The following JMJD1C variants were observed in gnomAD, a reference collection of about 807,000 sequenced individuals.
JMJD1C encodes jumonji domain containing 1C.
JMJD1C carries 31 observed loss-of-function variants against 245.3 expected under a neutral mutation model. That is an observed-to-expected ratio of 0.13 (90% CI 0.09 to 0.17). JMJD1C has a LOEUF of 0.17. Ranked by LOEUF, JMJD1C falls within the 10% of genes least tolerant of loss-of-function variation. The probability of loss-of-function intolerance (pLI) is 1.00; values close to 1 mark genes in which losing one functional copy is unlikely to be tolerated. For synonymous variants in JMJD1C, 1,057 were observed against 1,017.4 expected (o/e 1.04, Z -0.74); for missense variants, 2,691 against 3,000.2 (o/e 0.90, Z 2.41).
intron 2 of JMJD1C, among the ~76,000 whole-genome samples, chr10:63,297,672 C>A (rs1419939474): frequency 2.6e-5 from 4 of 152,178 alleles, no homozygotes; most frequent in Non-Finnish European, 5.9e-5. Flanking sequence ...TTCCGTAACA[C>A]TACAGCCCTC....
chr10:63,510,205 A>G (rs1645138396), intron 1 of JMJD1C, among the ~76,000 whole-genome samples: 1 of 151,822 alleles, frequency 6.6e-6, no homozygotes, highest in Non-Finnish European at 1.5e-5. Context: ...GGGTTTCACC[A>G]TGTTAGCCAG....
chr10:63,503,380 G>A (rs189004706), intron 1 of JMJD1C, among the ~76,000 whole-genome samples: 9 of 152,172 alleles, frequency 5.9e-5, no homozygotes, highest in East Asian at 1.9e-4. Context: ...ATAATTAAGC[G>A]TTCTGAGCAA....
intron 1 of JMJD1C, among the ~76,000 whole-genome samples, chr10:63,412,281 C>T (rs1053930816): frequency 6.6e-6 from 1 of 152,048 alleles, no homozygotes; most frequent in African/African-American, 2.4e-5. Flanking sequence ...TGTATTCTTA[C>T]AGTAAAGTAA....
At chr10:63,444,825 A>T (rs1452703029) in intron 1 of JMJD1C, among the ~76,000 whole-genome samples, 1 of 152,126 alleles carries the variant, frequency 6.6e-6, no homozygotes, top group African/African-American at 2.4e-5. Flanking sequence ...CTACTAAGCA[A>T]TGTTCTCAAT....
intron 2 of JMJD1C, among the ~76,000 whole-genome samples, chr10:63,278,089 A>C (rs1322997855): frequency 6.6e-6 from 1 of 152,112 alleles, no homozygotes; most frequent in Non-Finnish European, 1.5e-5. Flanking sequence ...CTAAGCTTTA[A>C]GGAACTTGAC....
intron 1 of JMJD1C, among the ~76,000 whole-genome samples, chr10:63,471,930 C>T (rs185922253): frequency 1.1e-4 from 17 of 152,012 alleles, no homozygotes; most frequent in Admixed American, 9.2e-4. Context: ...GCCAACTACT[C>T]GGGAGGCTAA....
chr10:63,235,366 A>C (rs1437505193), intron 3 of JMJD1C, among the ~76,000 whole-genome samples: 1 of 152,036 alleles, frequency 6.6e-6, no homozygotes, highest in Non-Finnish European at 1.5e-5. Flanking sequence ...GTGTGGTGGC[A>C]AGCGCCTGTA....
chr10:63,332,723 T>C (rs1332057245), intron 2 of JMJD1C, among the ~76,000 whole-genome samples: 2 of 152,348 alleles, frequency 1.3e-5, no homozygotes, highest in Middle Eastern at 3.4e-3. Flanking sequence ...CATCTCTATG[T>C]TCCATTTATT....
At chr10:63,398,616 T>C (rs1007530745) in intron 1 of JMJD1C, among the ~76,000 whole-genome samples, 9 of 152,088 alleles carry the variant, frequency 5.9e-5, no homozygotes, top group Admixed American at 1.3e-4. Context: ...CTAACTATAA[T>C]TGCTTCATCA....
chr10:63,380,646 C>T (rs1326656368), intron 1 of JMJD1C, among the ~76,000 whole-genome samples, 164 bp from the exon 2 acceptor site: 1 of 152,168 alleles, frequency 6.6e-6, no homozygotes, highest in Non-Finnish European at 1.5e-5. Flanking sequence ...TATCCATCAC[C>T]TCAAATATTT....
At chr10:63,505,778 T>C (rs1016881532) in intron 1 of JMJD1C, among the ~76,000 whole-genome samples, 3 of 150,506 alleles carry the variant, frequency 2.0e-5, no homozygotes, top group Non-Finnish European at 3.0e-5. Flanking sequence ...GGGATGCAAA[T>C]AGAGCTTTTA....
intron 1 of JMJD1C, among the ~76,000 whole-genome samples, chr10:63,390,179 CA>C (rs1947941553): frequency 2.0e-5 from 3 of 151,886 alleles, no homozygotes; most frequent in African/African-American, 7.3e-5. Flanking sequence ...TAAACAAAAT[CA>C]GAAACGAAAA....
chr10:63,185,655 T>A lies in JMJD1C; in HGVS notation c.6740-2A>T. 1 of 1,546,208 alleles carries A rather than the reference T, an allele frequency of 6.5e-7. No homozygotes were observed. Among genetic ancestry groups the A allele is most frequent in the Non-Finnish European group, 8.9e-7 (1 of 1,118,696 alleles). On this transcript the variant is annotated splice_acceptor_variant, in intron 19 of 25. Transcript: ENST00000399262. LOFTEE classifies it high-confidence loss of function. ...CTCCACTCTTGTTTTTCTGCCGTTCTATAAGGAATGCAGTTAATTACTAAA... is the reference window on the plus strand; with the variant it reads ...CTCCACTCTTGTTTTTCTGCCGTTCAATAAGGAATGCAGTTAATTACTAAA...
At chr10:63,275,916 T>C (rs1040849606) in intron 2 of JMJD1C, among the ~76,000 whole-genome samples, 6 of 152,336 alleles carry the variant, frequency 3.9e-5, no homozygotes, top group East Asian at 1.9e-4. Flanking sequence ...TGTTCTTACA[T>C]TGCCATCATT....
chr10:63,485,322 C>A (rs1327438548), intron 1 of JMJD1C, among the ~76,000 whole-genome samples: 1 of 152,034 alleles, frequency 6.6e-6, no homozygotes, highest in Non-Finnish European at 1.5e-5. Flanking sequence ...TCTTTCTATA[C>A]CTATTCTTTC....
chr10:63,401,159 TCGTTTC>T (rs1948829189), intron 1 of JMJD1C, among the ~76,000 whole-genome samples: 1 of 152,186 alleles, frequency 6.6e-6, no homozygotes, highest in Non-Finnish European at 1.5e-5. Flanking sequence ...GCACCCGGCC[TCGTTTC>T]CTCTCTTGCG....
intron 2 of JMJD1C, among the ~76,000 whole-genome samples, chr10:63,315,077 C>T (rs112489184): frequency 2.6e-5 from 4 of 152,136 alleles, no homozygotes; most frequent in African/African-American, 9.6e-5. Context: ...CCTCAGCCTC[C>T]CAAGTAGCTG....
chr10:63,369,138 T>C (rs1946092937), intron 2 of JMJD1C, among the ~76,000 whole-genome samples: 1 of 152,058 alleles, frequency 6.6e-6, no homozygotes, highest in Admixed American at 6.6e-5. Flanking sequence ...TCCTGTTTTC[T>C]TTCTCTTTCT....
At chr10:63,339,091 C>A (rs972589031) in intron 2 of JMJD1C, among the ~76,000 whole-genome samples, 3 of 152,184 alleles carry the variant, frequency 2.0e-5, no homozygotes, top group African/African-American at 7.2e-5. Context: ...ATTTCTATTA[C>A]CATTCTACAA....
Sources: gnomAD v4.1 joint callset for allele counts (sites outside exome capture counted in the v4.1 genomes callset) on GRCh38, gnomAD v4.1.1 for gene constraint, MANE v1.5 for transcripts, NCBI Gene and HGNC (gene_info 2026-07-23, HGNC 2026-07-21) for gene names.